The following NDUFAF5 variants were observed in gnomAD, a reference collection of about 807,000 sequenced individuals.
NDUFAF5 encodes the protein arginine-hydroxylase NDUFAF5, mitochondrial.
Under a neutral mutation model 48.9 loss-of-function variants are expected in NDUFAF5, and 34 were observed. That is an observed-to-expected ratio of 0.70 (90% confidence interval 0.53 to 0.93). The LOEUF is 0.93. Ranked by LOEUF, NDUFAF5 falls within the 40% of genes least tolerant of loss-of-function variation. The pLI is 0.00. For missense variants in NDUFAF5, 428 were observed against 427.5 expected (o/e 1.00, Z -0.01); for synonymous variants, 153 against 150.6 (o/e 1.02, Z -0.12).
intron 2 of NDUFAF5, among the ~76,000 whole-genome samples, chr20:13,788,107 G>A (rs763720502): frequency 1.3e-5 from 2 of 152,048 alleles, no homozygotes; most frequent in Non-Finnish European, 2.9e-5. Flanking sequence ...AACCTGGTAC[G>A]TTTTCAGTAA....
chr20:13,790,868 C>T (rs1016899478), intron 3 of NDUFAF5, among the ~76,000 whole-genome samples: 3 of 152,188 alleles, frequency 2.0e-5, no homozygotes, highest in Non-Finnish European at 4.4e-5. Flanking sequence ...AGATTCCTCC[C>T]GTGACTGCTT....
chr20:13,786,263 A>G (rs1399262367), intron 1 of NDUFAF5, among the ~76,000 whole-genome samples: 1 of 152,350 alleles, frequency 6.6e-6, no homozygotes, highest in East Asian at 1.9e-4. Context: ...GATGATTGAC[A>G]GGGTGTCTTT....
At chr20:13,801,942 C>T in intron 7 of NDUFAF5, 1 of 406,266 alleles carries the variant, frequency 2.5e-6, no homozygotes, top group South Asian at 2.8e-5. Flanking sequence ...GTTAACAAGA[C>T]AAATTTCTAA....
intron 1 of NDUFAF5, 75 bp from the exon 2 acceptor site, chr20:13,787,237 G>A: frequency 6.8e-7 from 1 of 1,468,298 alleles, no homozygotes; most frequent in Non-Finnish European, 9.6e-7. Context: ...TAAAACATAA[G>A]TAACTTGTGG....
Position 13,816,962 on chromosome 20 carries a change from C to T in NDUFAF5, c.945+5C>T, listed in dbSNP as rs374355623. ...TGGAAATATCATGAGTCACAGGTAA[C>T]GTTACTAAGATGGATCACTTTTCTT... On this transcript the variant is annotated splice_donor_5th_base_variant and intron_variant, in intron 10 of 10. Transcript: ENST00000378106. The T allele has an allele frequency of 1.9e-6, 3 of 1,597,474 alleles. No homozygotes were observed. Among genetic ancestry groups the T allele is most frequent in the Non-Finnish European group, 1.7e-6 (2 of 1,165,174 alleles).
intron 2 of NDUFAF5, 137 bp downstream of exon 2, chr20:13,787,489 A>G (rs1981390780): frequency 5.9e-6 from 5 of 852,398 alleles, no homozygotes; most frequent in Middle Eastern, 2.4e-4. Flanking sequence ...TCACTCTGTA[A>G]GTCTCCTTTT....
chr20:13,794,798 A>G (rs1982912182), intron 4 of NDUFAF5, 40 bp from the exon 5 acceptor site: 2 of 1,177,368 alleles, frequency 1.7e-6, no homozygotes, highest in Admixed American at 1.7e-5. Flanking sequence ...TTGAGATTCT[A>G]CATAAATGTG....
chr20:13,816,781 G>A (rs1462457243), intron 9 of NDUFAF5, 94 bp from the exon 10 acceptor site: 1 of 845,592 alleles, frequency 1.2e-6, no homozygotes, highest in East Asian at 2.5e-5. Flanking sequence ...AAGTATCCTT[G>A]TACCCATTTC....
In NDUFAF5 at chr20:13,818,106, T is replaced by C; in HGVS notation, c.*896T>C. On this transcript the variant is annotated 3_prime_UTR_variant, in exon 11 of 11. Transcript: ENST00000378106. ...TCAGTGATCTATAATAGCATTTCCTTCTGTCTCCTCTCAGTCTCTCTTCTG... is the reference window on the plus strand; with the variant it reads ...TCAGTGATCTATAATAGCATTTCCTCCTGTCTCCTCTCAGTCTCTCTTCTG... 1 of 454,140 alleles carries C rather than the reference T, an allele frequency of 2.2e-6. No individual in the cohort carries two copies. Among genetic ancestry groups the C allele is most frequent in the Non-Finnish European group, 4.4e-6 (1 of 226,784 alleles). 28.1% of individuals were successfully genotyped at this position (454,140 alleles called of 1,614,324 possible). A position where few individuals can be genotyped will look rare whatever the true frequency, so the allele number is the denominator to read the frequency against.
chr20:13,798,086 G>C (rs577703327), intron 5 of NDUFAF5, among the ~76,000 whole-genome samples: 1 of 152,260 alleles, frequency 6.6e-6, no homozygotes, highest in Admixed American at 6.5e-5. Context: ...TGATTTAACT[G>C]ATGAGCTTCT....
intron 7 of NDUFAF5, among the ~76,000 whole-genome samples, chr20:13,807,175 T>C (rs1341243577): frequency 6.6e-6 from 1 of 152,114 alleles, no homozygotes; most frequent in Non-Finnish European, 1.5e-5. Flanking sequence ...GGCTCCCAAG[T>C]AGCTGGGACT....
At chr20:13,816,729 A>T (rs920674808) in intron 9 of NDUFAF5, 146 bp from the exon 10 acceptor site, 1 of 751,934 alleles carries the variant, frequency 1.3e-6, no homozygotes, top group Admixed American at 2.0e-5. Flanking sequence ...CCTTACCCTC[A>T]GTATTAAGAA....
At chr20:13,801,448 A>C in intron 6 of NDUFAF5, 38 bp from the exon 7 acceptor site, 1 of 1,352,822 alleles carries the variant, frequency 7.4e-7, no homozygotes, top group Non-Finnish European at 1.0e-6. Context: ...TATATATATA[A>C]AAATTTGAAT....
At position 13,819,402 on chromosome 20, in the gene NDUFAF5, C is replaced by T. The variant is rs1355985912; in HGVS notation, c.*2192C>T. Reference sequence around the variant, plus strand: ...TTTTATTTTTTGAGACGGAGTCTCGCTCTGTCTCCAGGCTGGAGTACAGTG... The same window carrying T: ...TTTTATTTTTTGAGACGGAGTCTCGTTCTGTCTCCAGGCTGGAGTACAGTG... On this transcript the variant is annotated 3_prime_UTR_variant, in exon 11 of 11. Coordinates refer to ENST00000378106, the MANE Select transcript of NDUFAF5 (RefSeq NM_024120.5). 2 of 152,136 alleles carry T rather than the reference C, an allele frequency of 1.3e-5. No individual in the cohort carries two copies. Among genetic ancestry groups the T allele is most frequent in the East Asian group, 3.8e-4 (2 of 5,202 alleles). 9.4% of individuals were successfully genotyped at this position (152,136 alleles called of 1,614,324 possible). A position where few individuals can be genotyped will look rare whatever the true frequency, so the allele number is the denominator to read the frequency against.
chr20:13,798,361 A>G (rs1983571417), intron 5 of NDUFAF5, 100 bp from the exon 6 acceptor site: 1 of 891,408 alleles, frequency 1.1e-6, no homozygotes, highest in Middle Eastern at 2.2e-4. Flanking sequence ...TTTAAACTTC[A>G]AAATTAACAC....
intron 2 of NDUFAF5, 31 bp from the exon 3 acceptor site, chr20:13,788,556 GAC>G: frequency 6.7e-7 from 1 of 1,496,910 alleles, no homozygotes. Context: ...CTGTGTTATG[GAC>G]AGAGCATAAC....
Position 13,817,282 on chromosome 20 carries a change from T to C in NDUFAF5, c.*72T>C, listed in dbSNP as rs751299442. 14 of 1,199,538 alleles carry C rather than the reference T, an allele frequency of 1.2e-5. No individual in the cohort carries two copies. The East Asian group carries it at 3.0e-4, about 26-fold the overall frequency. 74.3% of individuals were successfully genotyped at this position (1,199,538 alleles called of 1,614,324 possible). ...ATAGCTTTAACATCTAAAATTATTA[T>C]ATTTTGAAGCAAGAAGCACTCTAAG... On this transcript the variant is annotated 3_prime_UTR_variant, in exon 11 of 11. Transcript: ENST00000378106.
At chr20:13,799,515 A>G (rs1407399279) in intron 6 of NDUFAF5, among the ~76,000 whole-genome samples, 1 of 152,020 alleles carries the variant, frequency 6.6e-6, no homozygotes, top group Non-Finnish European at 1.5e-5. Flanking sequence ...CCTGGCCAAC[A>G]TGGTGAAACC....
intron 1 of NDUFAF5, among the ~76,000 whole-genome samples, chr20:13,785,843 A>G (rs1234665520): frequency 2.0e-5 from 3 of 152,212 alleles, no homozygotes; most frequent in Non-Finnish European, 4.4e-5. Context: ...CACATGAAAT[A>G]TATTAAATAT....
Sources: gnomAD v4.1 joint callset for allele counts (sites outside exome capture counted in the v4.1 genomes callset) on GRCh38, gnomAD v4.1.1 for gene constraint, MANE v1.5 for transcripts, NCBI Gene and HGNC (gene_info 2026-07-23, HGNC 2026-07-21) for gene names.